EFNA5: variants seen among roughly 807,000 people sequenced by gnomAD.
EFNA5 encodes ephrin-A5.
In EFNA5, 5 loss-of-function variants were observed where a neutral mutation model predicts 22.9. The observed-to-expected ratio is 0.22, with a 90% CI of 0.11 to 0.46. EFNA5 has a LOEUF of 0.46. Ranked by LOEUF, EFNA5 falls within the 20% of genes least tolerant of loss-of-function variation. EFNA5 has a pLI of 0.99. For missense variants in EFNA5, 237 were observed against 293.3 expected (o/e 0.81, Z 1.40); for synonymous variants, 113 against 112.2 (o/e 1.01, Z -0.04).
chr5:107,405,617 CAGTT>C (rs1217093849), intron 2 of EFNA5, among the ~76,000 whole-genome samples: 4 of 152,234 alleles, frequency 2.6e-5, no homozygotes, highest in Middle Eastern at 3.4e-3. Flanking sequence ...CACAGAATCT[CAGTT>C]AGCCCAAGAA....
intron 1 of EFNA5, among the ~76,000 whole-genome samples, chr5:107,512,680 T>C (rs1456119196): frequency 6.6e-6 from 1 of 152,106 alleles, no homozygotes; most frequent in Non-Finnish European, 1.5e-5. Flanking sequence ...AACTCCAAGA[T>C]GACAGCTCCA....
At chr5:107,457,792 A>C (rs968734637) in intron 1 of EFNA5, among the ~76,000 whole-genome samples, 2 of 152,162 alleles carry the variant, frequency 1.3e-5, no homozygotes, top group African/African-American at 4.8e-5. Flanking sequence ...CAATTGTTCT[A>C]CTAATTTAAA....
chr5:107,634,339 A>C (rs1204090307), intron 1 of EFNA5, among the ~76,000 whole-genome samples: 1 of 152,160 alleles, frequency 6.6e-6, no homozygotes, highest in African/African-American at 2.4e-5. Context: ...CAACCTAGAG[A>C]GACCTTGTCT....
chr5:107,571,130 T>C (rs1299175578), intron 1 of EFNA5, among the ~76,000 whole-genome samples: 2 of 152,158 alleles, frequency 1.3e-5, no homozygotes, highest in East Asian at 1.9e-4. Context: ...GGTTGGGAAC[T>C]GTGAGCGAGT....
chr5:107,459,088 T>C (rs1450295877), intron 1 of EFNA5, among the ~76,000 whole-genome samples: 1 of 152,146 alleles, frequency 6.6e-6, no homozygotes, highest in Non-Finnish European at 1.5e-5. Flanking sequence ...ATTAACTGTT[T>C]TATTTTAGGA....
intron 1 of EFNA5, among the ~76,000 whole-genome samples, chr5:107,452,564 A>C (rs985513263): frequency 1.3e-5 from 2 of 152,084 alleles, no homozygotes; most frequent in African/African-American, 4.8e-5. Context: ...TCTCAAAAAA[A>C]AAAGTTAAAA....
chr5:107,509,476 G>T (rs1323156841), intron 1 of EFNA5, among the ~76,000 whole-genome samples: 1 of 146,966 alleles, frequency 6.8e-6, no homozygotes, highest in Non-Finnish European at 1.5e-5. Context: ...GTGCCACCAT[G>T]CTTGGCTAAT....
intron 2 of EFNA5, among the ~76,000 whole-genome samples, chr5:107,403,131 G>A (rs575076392): frequency 5.8e-4 from 89 of 152,284 alleles, no homozygotes; most frequent in African/African-American, 2.1e-3. Flanking sequence ...TGTATAGCCA[G>A]GGCCTGAACC....
At chr5:107,575,472 T>C (rs981356185) in intron 1 of EFNA5, among the ~76,000 whole-genome samples, 7 of 152,238 alleles carry the variant, frequency 4.6e-5, no homozygotes, top group African/African-American at 1.7e-4. Context: ...CTGCTTTTCA[T>C]ACCAATTAGT....
At chr5:107,546,022 A>C (rs555989) in intron 1 of EFNA5, among the ~76,000 whole-genome samples, 7 of 151,800 alleles carry the variant, frequency 4.6e-5, no homozygotes, top group African/African-American at 1.5e-4. Flanking sequence ...TCAGAAGAGG[A>C]AGAGTGGACC....
At chr5:107,618,270 T>C (rs758622366) in intron 1 of EFNA5, among the ~76,000 whole-genome samples, 11 of 152,236 alleles carry the variant, frequency 7.2e-5, no homozygotes, top group Admixed American at 6.5e-4. Context: ...TCTTGATGTA[T>C]TTCTGTTACT....
At chr5:107,645,968 G>GA (rs1307787380) in intron 1 of EFNA5, among the ~76,000 whole-genome samples, 51 of 152,136 alleles carry the variant, frequency 3.4e-4, no homozygotes, top group Admixed American at 2.6e-4. Flanking sequence ...GCAGCTGAGA[G>GA]AAACAATGGA....
intron 1 of EFNA5, among the ~76,000 whole-genome samples, chr5:107,655,566 T>C (rs1465913099): frequency 1.3e-5 from 2 of 152,120 alleles, no homozygotes; most frequent in East Asian, 1.9e-4. Context: ...ATAAGGATCA[T>C]TGATAATTTC....
intron 1 of EFNA5, among the ~76,000 whole-genome samples, chr5:107,483,988 T>G (rs1750551702): frequency 6.6e-6 from 1 of 152,204 alleles, no homozygotes; most frequent in Non-Finnish European, 1.5e-5. Flanking sequence ...ATCCACATTA[T>G]TAAAGAATTT....
At chr5:107,537,541 GTGAGCTGAGATCGTACCAT>G (rs1427040061) in intron 1 of EFNA5, among the ~76,000 whole-genome samples, 1 of 152,204 alleles carries the variant, frequency 6.6e-6, no homozygotes, top group African/African-American at 2.4e-5. Context: ...AGGAGTTGCA[GTGAGCTGAGATCGTACCAT>G]TGCACTCCTG....
At position 107,416,498 on chromosome 5, in the gene EFNA5, C is replaced by T. The variant is rs190573069; in HGVS notation, c.418+10719G>A. Reference sequence around the variant, plus strand: ...TCTATATGATAGATAATGATAGTACCGGCCTCACAGATGAGGATTCAACAA... The same window carrying T: ...TCTATATGATAGATAATGATAGTACTGGCCTCACAGATGAGGATTCAACAA... On this transcript the variant is annotated intron_variant, in intron 2 of 4. Coordinates refer to ENST00000333274, the MANE Select transcript of EFNA5 (RefSeq NM_001962.3). 6.6e-5 allele frequency among the ~76,000 whole-genome samples: 10 copies of T among 152,114 alleles called. No homozygotes were observed. The East Asian group carries it at 1.5e-3, about 24-fold the overall frequency.
intron 1 of EFNA5, among the ~76,000 whole-genome samples, chr5:107,439,385 T>C (rs1749197561): frequency 6.6e-6 from 1 of 152,156 alleles, no homozygotes; most frequent in East Asian, 1.9e-4. Flanking sequence ...GGTAGTTTGT[T>C]ATGGAAGTCT....
chr5:107,416,351 T>C (rs1748503985), intron 2 of EFNA5, among the ~76,000 whole-genome samples: 1 of 152,188 alleles, frequency 6.6e-6, no homozygotes, highest in African/African-American at 2.4e-5. Flanking sequence ...ATATTTATTA[T>C]GAAATAATTG....
intron 1 of EFNA5, among the ~76,000 whole-genome samples, chr5:107,575,865 A>C (rs1748918070): frequency 6.6e-6 from 1 of 152,234 alleles, no homozygotes; most frequent in African/African-American, 2.4e-5. Flanking sequence ...TTAAGAGAAC[A>C]TCAGCATTTG....
Sources: allele counts gnomAD v4.1 joint callset (sites outside exome capture counted in the v4.1 genomes callset), GRCh38; gene constraint gnomAD v4.1.1; transcripts MANE v1.5; gene names NCBI Gene and HGNC (gene_info 2026-07-23, HGNC 2026-07-21).